DRC8: variants seen among roughly 807,000 people sequenced by gnomAD.
DRC8 encodes dynein regulatory complex protein 8.
At chr1:245,099,493 C>T in the DRC8 span, among the ~76,000 whole-genome samples, 1 of 152,208 alleles carries the variant, frequency 6.6e-6, no homozygotes, top group African/African-American at 2.4e-5. Flanking sequence ...CCGCCCTGCC[C>T]CGACACCAGG....
the DRC8 span, chr1:244,970,748 C>A: frequency 2.2e-6 from 1 of 450,098 alleles, no homozygotes; most frequent in Non-Finnish European, 3.9e-6. Flanking sequence ...CTCCCGCCCT[C>A]TTCACCCTCT....
At chr1:245,108,217 C>G in the DRC8 span, among the ~76,000 whole-genome samples, 4 of 152,164 alleles carry the variant, frequency 2.6e-5, no homozygotes, top group East Asian at 7.7e-4. Flanking sequence ...TGCTGCCCCT[C>G]CCTTCCATTT....
At chr1:245,010,598 G>C in the DRC8 span, among the ~76,000 whole-genome samples, 1 of 152,126 alleles carries the variant, frequency 6.6e-6, no homozygotes, top group African/African-American at 2.4e-5. Context: ...TGGCCACACT[G>C]AGAGATGAGA....
At chr1:245,074,744 A>AG in the DRC8 span, among the ~76,000 whole-genome samples, 9 of 11,308 alleles carry the variant, frequency 8.0e-4, no homozygotes, top group African/African-American at 3.9e-4. Context: ...AGTGGCTTTA[A>AG]AATTTTTGTT....
the DRC8 span, among the ~76,000 whole-genome samples, chr1:244,996,342 A>G: frequency 6.6e-6 from 1 of 152,030 alleles, no homozygotes; most frequent in African/African-American, 2.4e-5. Context: ...TACTTCTGCC[A>G]TATTCTGTTG....
At chr1:245,058,291 A>C in the DRC8 span, among the ~76,000 whole-genome samples, 2 of 152,096 alleles carry the variant, frequency 1.3e-5, no homozygotes, top group Non-Finnish European at 2.9e-5. Flanking sequence ...AAGAAAAAAA[A>C]CAAGAAAATG....
chr1:245,050,347 A>C, the DRC8 span, among the ~76,000 whole-genome samples: 1 of 151,768 alleles, frequency 6.6e-6, no homozygotes, highest in African/African-American at 2.4e-5. Flanking sequence ...TGATCTGCCC[A>C]CCTTGGCTTC....
chr1:244,981,651 T>C, the DRC8 span, among the ~76,000 whole-genome samples: 1 of 152,156 alleles, frequency 6.6e-6, no homozygotes, highest in South Asian at 2.1e-4. Flanking sequence ...AAGAAATATT[T>C]GTTAATTTTG....
At chr1:245,028,717 G>C in the DRC8 span, among the ~76,000 whole-genome samples, 1 of 152,256 alleles carries the variant, frequency 6.6e-6, no homozygotes, top group African/African-American at 2.4e-5. Flanking sequence ...TTTTTGAATA[G>C]ATAATATGTT....
chr1:245,079,860 G>A, the DRC8 span, among the ~76,000 whole-genome samples: 1 of 152,182 alleles, frequency 6.6e-6, no homozygotes, highest in Non-Finnish European at 1.5e-5. Context: ...GGCTCCTGAG[G>A]TGGGGAGTTG....
At chr1:245,107,660 C>T in the DRC8 span, among the ~76,000 whole-genome samples, 1 of 152,200 alleles carries the variant, frequency 6.6e-6, no homozygotes, top group African/African-American at 2.4e-5. Context: ...GGGGCTCCTC[C>T]TCCACGCTGC....
chr1:245,000,457 A>C, the DRC8 span, among the ~76,000 whole-genome samples: 1 of 152,118 alleles, frequency 6.6e-6, no homozygotes, highest in African/African-American at 2.4e-5. Flanking sequence ...GCATTTGTGT[A>C]ATTTGTTTGA....
the DRC8 span, among the ~76,000 whole-genome samples, chr1:245,076,435 CT>C: frequency 6.6e-6 from 1 of 152,180 alleles, no homozygotes; most frequent in East Asian, 1.9e-4. Flanking sequence ...TGATTTTTCT[CT>C]GTAAGAAAGG....
chr1:245,091,656 G>A, the DRC8 span: 3 of 152,310 alleles, frequency 2.0e-5, 1 homozygote, highest in East Asian at 1.9e-4. Context: ...TGGCTTTGTG[G>A]AATGTAATTC....
chr1:245,053,832 G>A, the DRC8 span, among the ~76,000 whole-genome samples: 1 of 152,028 alleles, frequency 6.6e-6, no homozygotes, highest in African/African-American at 2.4e-5. Context: ...TGTGAAAGAG[G>A]GAGAGGGAAA....
At chr1:245,116,880 T>G in the DRC8 span, among the ~76,000 whole-genome samples, 1 of 152,130 alleles carries the variant, frequency 6.6e-6, no homozygotes, top group Non-Finnish European at 1.5e-5. Flanking sequence ...CTTCTGTGGT[T>G]AATACTTATA....
the DRC8 span, among the ~76,000 whole-genome samples, chr1:244,998,788 A>T: frequency 2.0e-5 from 3 of 152,260 alleles, no homozygotes; most frequent in South Asian, 6.2e-4. Context: ...TGTTGCTCCT[A>T]CATTCTTGCT....
At chr1:244,970,091 A>G in the DRC8 span, 1 of 659,540 alleles carries the variant, frequency 1.5e-6, no homozygotes, top group South Asian at 1.7e-5. Context: ...AATAAGGGAA[A>G]GGAGGGGTTG....
At chr1:245,109,551 G>A in the DRC8 span, among the ~76,000 whole-genome samples, 5 of 152,152 alleles carry the variant, frequency 3.3e-5, no homozygotes, top group Admixed American at 6.5e-5. Flanking sequence ...ATCACCCTTC[G>A]CTTTTAGGTT....
Sources: allele counts gnomAD v4.1 joint callset (sites outside exome capture counted in the v4.1 genomes callset), GRCh38; gene constraint gnomAD v4.1.1; transcripts MANE v1.5; gene names NCBI Gene and HGNC (gene_info 2026-07-23, HGNC 2026-07-21).